The following DIMT1 variants were observed in gnomAD, a reference collection of about 807,000 sequenced individuals.
DIMT1 encodes DIM1 rRNA methyltransferase and ribosome maturation factor.
A neutral mutation model predicts 43.2 loss-of-function variants in DIMT1; 36 were observed. The observed-to-expected ratio is 0.83, with a 90% CI of 0.64 to 1.10. The LOEUF (loss-of-function observed/expected upper bound fraction) is 1.10. Among genes scored for constraint, DIMT1 ranks in the 50% least tolerant of loss-of-function variants. The pLI is 0.00. For missense variants in DIMT1, 341 were observed against 385.3 expected, an observed-to-expected ratio of 0.88 and a Z score of 0.96; for synonymous variants, 126 against 130.3, an observed-to-expected ratio of 0.97 and a Z score of 0.22.
chr5:62,392,033 CT>C (rs752854202), intron 10 of DIMT1, 137 bp downstream of exon 10: 24 of 1,557,774 alleles, frequency 1.5e-5, no homozygotes, highest in Non-Finnish European at 2.0e-5. Context: ...CAAAATTGTG[CT>C]AGTTATACAT....
rs1282294760 is a variant in DIMT1, at chr5:62,387,932, G to C, written c.*1078C>G. The C allele has an allele frequency of 6.6e-6, 1 of 151,246 alleles. No homozygotes were observed. The highest frequency in any genetic ancestry group is 2.4e-5 in the African/African-American group (1 of 41,140). 9.4% of individuals were successfully genotyped at this position (151,246 alleles called of 1,614,324 possible). On this transcript the variant is annotated 3_prime_UTR_variant, in exon 12 of 12. Coordinates refer to ENST00000199320, the MANE Select transcript of DIMT1 (RefSeq NM_014473.4). ...TTGGAAACACTCTTCTATTAAGTTA[G>C]GTATTAAAAAAAGCCAAATATCAAT...
intron 6 of DIMT1, among the ~76,000 whole-genome samples, chr5:62,396,499 C>T (rs1002183146): frequency 2.6e-5 from 4 of 152,028 alleles, no homozygotes; most frequent in South Asian, 2.1e-4. Flanking sequence ...CAGAGCAAGA[C>T]TGTCTCATAA....
intron 10 of DIMT1, among the ~76,000 whole-genome samples, chr5:62,391,558 T>G (rs1470480243): frequency 6.6e-6 from 1 of 152,230 alleles, no homozygotes; most frequent in African/African-American, 2.4e-5. Flanking sequence ...GAGATAGTAT[T>G]GTGATACATT....
At position 62,398,523 on chromosome 5, in the gene DIMT1, C is replaced by T. The variant is rs142478902; in HGVS notation, c.434G>A (p.Arg145Gln). Reference protein sequence around the residue: ...SPFVFKLLLHRPFFRCAILMF... With the variant: ...SPFVFKLLLHQPFFRCAILMF... The stretch of plus-strand genomic sequence containing the variant: ...TTTTGTCACAAACCTGAAAAAAGGT[C>T]GATGTAGCAACAGCTTGAAGACAAA... The change falls in exon 6 of 12, where the codon CGA becomes CAA. Residue 145 changes from arginine (R) to glutamine (Q), a missense_variant. Physicochemically the swap from Arg to Gln is conservative, Grantham distance 43 (BLOSUM62 1). Coordinates refer to ENST00000199320, the MANE Select transcript of DIMT1 (RefSeq NM_014473.4). 80 of 1,611,974 alleles carry T rather than the reference C, an allele frequency of 5.0e-5. No homozygotes were observed. The highest frequency in any genetic ancestry group is 3.1e-5 in the Non-Finnish European group (36 of 1,178,422).
intron 3 of DIMT1, 70 bp from the exon 4 acceptor site, chr5:62,398,951 G>A: frequency 8.4e-7 from 1 of 1,193,198 alleles, no homozygotes; most frequent in East Asian, 2.6e-5. Flanking sequence ...TATCCCAACA[G>A]GAACTCTTAC....
chr5:62,391,704 T>C (rs1446462775), intron 10 of DIMT1: 2 of 1,295,836 alleles, frequency 1.5e-6, no homozygotes, highest in African/African-American at 3.0e-5. Flanking sequence ...CGCATGAGGC[T>C]CACAACCAGA....
rs1283583819 is a variant in DIMT1, at chr5:62,394,571, G to A, written c.483C>T (p.Leu161=). The A allele has an allele frequency of 8.7e-6, 14 of 1,614,222 alleles. No homozygotes were observed. The highest frequency in any genetic ancestry group is 1.2e-5 in the Non-Finnish European group (14 of 1,180,038). ...AILMFQREFA[L]RLVAKPGDKL... is the part of the protein sequence containing the mutation. ...TATCTCCAGGTTTTGCAACCAGTCG[G>A]AGGGCAAATTCTCTTTGAAACATAA... is the stretch of plus-strand genomic sequence containing the variant. Residue 161 remains leucine (L), a synonymous_variant, in exon 7 of 12, where the codon CTC becomes CTT. Transcript: ENST00000199320.
At chr5:62,391,702 G>A in intron 10 of DIMT1, 1 of 1,290,460 alleles carries the variant, frequency 7.7e-7, no homozygotes, top group Non-Finnish European at 9.8e-7. Flanking sequence ...TACGCATGAG[G>A]CTCACAACCA....
chr5:62,394,479 C>G lies in DIMT1; in HGVS notation c.570+5G>C, dbSNP rs370174707. ...AAAAAGAGAAAGAAAACAAAATTCA[C>G]TTACTTTCATTAGATGGTCCACACG... On this transcript the variant is annotated splice_donor_5th_base_variant and intron_variant, in intron 7 of 11. Coordinates refer to ENST00000199320, the MANE Select transcript of DIMT1 (RefSeq NM_014473.4). 1 of 1,613,918 alleles carries G rather than the reference C, an allele frequency of 6.2e-7. No homozygotes were observed. Among genetic ancestry groups the G allele is most frequent in the Non-Finnish European group, 8.5e-7 (1 of 1,179,902 alleles).
rs1742124616 is a variant in DIMT1, at chr5:62,388,100, T to TGACA, written c.*906_*909dup. On this transcript the variant is annotated 3_prime_UTR_variant, in exon 12 of 12. Coordinates refer to ENST00000199320, the MANE Select transcript of DIMT1 (RefSeq NM_014473.4). ...ATGACATCTATTGAAATTCTCAGTC[T>TGACA]GACAGTTTTAAAATAGCTTAAAACT... is the stretch of plus-strand genomic sequence containing the variant. The TGACA allele has an allele frequency of 6.6e-5, 10 of 152,304 alleles. No homozygotes were observed. The South Asian group carries it at 2.1e-3, about 32-fold the overall frequency. The allele number at this position is 152,304 out of a possible 1,614,324, so 9.4% of individuals were successfully genotyped here. A position where few individuals can be genotyped will look rare whatever the true frequency, so the allele number is the denominator to read the frequency against.
At chr5:62,395,471 C>A (rs1180518690) in intron 6 of DIMT1, among the ~76,000 whole-genome samples, 1 of 152,126 alleles carries the variant, frequency 6.6e-6, no homozygotes, top group African/African-American at 2.4e-5. Flanking sequence ...GCAAGCCAAG[C>A]CACAAATGTC....
At chr5:62,401,419 CA>C (rs1742697313) in intron 3 of DIMT1, among the ~76,000 whole-genome samples, 1 of 141,894 alleles carries the variant, frequency 7.0e-6, no homozygotes, top group South Asian at 2.3e-4. Context: ...CTCTTGAACC[CA>C]GGAGGCAGAG....
chr5:62,396,139 G>GTTTTTTATTTTTTTTTTTT (rs1554044634), intron 6 of DIMT1, among the ~76,000 whole-genome samples: 2 of 116,746 alleles, frequency 1.7e-5, no homozygotes, highest in Non-Finnish European at 3.4e-5. Flanking sequence ...GTCACTGCAG[G>GTTTTTTATTTTTTTTTTTT]TTTTTTTTTT....
chr5:62,395,510 C>A (rs1742453948), intron 6 of DIMT1, among the ~76,000 whole-genome samples: 1 of 152,016 alleles, frequency 6.6e-6, no homozygotes, highest in Non-Finnish European at 1.5e-5. Context: ...TATTGTATTT[C>A]AAAACAAAAG....
chr5:62,403,838 A>G lies in DIMT1; in HGVS notation c.-66T>C. The G allele has an allele frequency of 6.5e-7, 1 of 1,537,668 alleles. No individual in the cohort carries two copies. Among genetic ancestry groups the G allele is most frequent in the Non-Finnish European group, 8.8e-7 (1 of 1,131,252 alleles). On this transcript the variant is annotated 5_prime_UTR_variant, in exon 1 of 12. Coordinates refer to ENST00000199320, the MANE Select transcript of DIMT1 (RefSeq NM_014473.4). ...GGACCAAAGAGGGCTAGCGTGAGAA[A>G]GCCACCACGTGGGGATCGCCGCCAC...
intron 8 of DIMT1, 85 bp downstream of exon 8, chr5:62,393,870 C>CAA (rs1203644540): frequency 8.6e-7 from 1 of 1,167,054 alleles, no homozygotes; most frequent in Non-Finnish European, 1.2e-6. Flanking sequence ...TAGGTTGATT[C>CAA]AATATTTTTC....
Position 62,398,664 on chromosome 5 carries a change from C to A in DIMT1, c.378G>T (p.Val126=). The A allele has an allele frequency of 6.2e-7, 1 of 1,614,188 alleles. No individual in the cohort carries two copies. The highest frequency in any genetic ancestry group is 1.1e-5 in the South Asian group (1 of 91,074). ...GACATACCTGATAAGGCAAATTTGCCACACAAGTATCAAAGAATGGCAAAT... is the reference window on the plus strand; with the variant it reads ...GACATACCTGATAAGGCAAATTTGCAACACAAGTATCAAAGAATGGCAAAT... ...KTDLPFFDTC[V]ANLPYQISSP... is the part of the protein sequence containing the mutation. Residue 126 remains valine, a synonymous_variant, in exon 5 of 12, where the codon GTG becomes GTT. Coordinates refer to ENST00000199320, the MANE Select transcript of DIMT1 (RefSeq NM_014473.4).
rs763169283 is a variant in DIMT1 at position 62,390,861 on chromosome 5, C to T, written c.899+15G>A. 1 of 1,607,026 alleles carries T rather than the reference C, an allele frequency of 6.2e-7. No individual in the cohort carries two copies. The highest frequency in any genetic ancestry group is 1.1e-5 in the South Asian group (1 of 90,890). ...AAAGAAATGTAAACACTTAGGAAAA[C>T]AAAAATGTAATTACCTGATGAAGTC... On this transcript the variant is annotated intron_variant, in intron 11 of 11. Coordinates refer to ENST00000199320, the MANE Select transcript of DIMT1 (RefSeq NM_014473.4).
intron 6 of DIMT1, among the ~76,000 whole-genome samples, chr5:62,396,491 G>C (rs1038257175): frequency 6.6e-6 from 1 of 152,112 alleles, no homozygotes; most frequent in Non-Finnish European, 1.5e-5. Context: ...CCGGGCACCA[G>C]AGCAAGACTG....
Sources: allele counts gnomAD v4.1 joint callset (sites outside exome capture counted in the v4.1 genomes callset), GRCh38; gene constraint gnomAD v4.1.1; transcripts MANE v1.5; gene names NCBI Gene and HGNC (gene_info 2026-07-23, HGNC 2026-07-21).